ZNF205: variants seen among roughly 807,000 people sequenced by gnomAD.
The protein encoded by ZNF205 is transcriptional repressor RHIT.
In ZNF205, 32 loss-of-function variants were observed where a neutral mutation model predicts 53.6. That is an observed-to-expected ratio of 0.60 (90% CI 0.45 to 0.80). ZNF205 has a LOEUF of 0.80. Among genes scored for constraint, ZNF205 ranks in the 30% least tolerant of loss-of-function variants. The probability of loss-of-function intolerance (pLI) is 0.00; values close to 1 mark genes in which losing one functional copy is unlikely to be tolerated. For synonymous variants in ZNF205, 382 were observed against 334.3 expected (o/e 1.14, Z -1.56); for missense variants, 836 against 782.4 (o/e 1.07, Z -0.82).
At chr16:3,113,356 G>A in intron 1 of ZNF205, 61 bp from the exon 2 acceptor site, 1 of 1,566,594 alleles carries the variant, frequency 6.4e-7, no homozygotes. Flanking sequence ...TAGGCTCCTG[G>A]CCAGAAGCTG....
chr16:3,116,857 C>A (rs1051116034), intron 5 of ZNF205, among the ~76,000 whole-genome samples: 1 of 152,186 alleles, frequency 6.6e-6, no homozygotes, highest in Non-Finnish European at 1.5e-5. Flanking sequence ...CACAGTGGCA[C>A]GATCTCGGCT....
intron 2 of ZNF205, among the ~76,000 whole-genome samples, chr16:3,114,414 C>T (rs1166732156): frequency 4.6e-5 from 7 of 152,276 alleles, no homozygotes; most frequent in African/African-American, 7.2e-5. Context: ...GGAGGGGTGT[C>T]GCTGGGTCTG....
intron 1 of ZNF205, 59 bp from the exon 2 acceptor site, chr16:3,113,358 C>T: frequency 6.4e-7 from 1 of 1,574,384 alleles, no homozygotes; most frequent in East Asian, 2.3e-5. Context: ...GGCTCCTGGC[C>T]AGAAGCTGGA....
chr16:3,119,226 C>G (rs764792364), intron 6 of ZNF205, 30 bp from the exon 7 acceptor site: 2 of 1,551,624 alleles, frequency 1.3e-6, no homozygotes, highest in Non-Finnish European at 1.7e-6. Flanking sequence ...GGAAGCTCGT[C>G]CCTAGCTGGA....
rs140192959 is a variant in ZNF205 at position 3,118,988 on chromosome 16, G to A, written c.568G>A (p.Glu190Lys). Residue 190 changes from glutamate (E) to lysine (K), a missense_variant, in exon 6 of 7, where the codon GAG becomes AAG. Coordinates refer to ENST00000219091, the MANE Select transcript of ZNF205 (RefSeq NM_001042428.2). ...GGGCTCCAGCCGGCAGGCAGGAGAT[G>A]AGAAGGAGTGGAGAGGCGCGTGCAC... ...ASGSSRQAGD[E>K]KEWRGACTGA... The A allele has an allele frequency of 6.2e-7, 1 of 1,613,636 alleles. No individual in the cohort carries two copies. The highest frequency in any genetic ancestry group is 8.5e-7 in the Non-Finnish European group (1 of 1,179,966).
In ZNF205 at chr16:3,116,563, G is replaced by A; in HGVS notation, c.484+16G>A. 6.2e-7 allele frequency: 1 copy of A among 1,611,920 alleles called. No homozygotes were observed. Among genetic ancestry groups the A allele is most frequent in the South Asian group, 1.1e-5 (1 of 90,786 alleles). On this transcript the variant is annotated intron_variant, in intron 5 of 6. Transcript: ENST00000219091. Reference sequence around the variant, plus strand: ...CTGTCACTGGGTAAGCACTCGCCTGGAGGGGGGACTGGGGTGTTAGGGAGA... The same window carrying A: ...CTGTCACTGGGTAAGCACTCGCCTGAAGGGGGGACTGGGGTGTTAGGGAGA...
At chr16:3,116,354 C>T in intron 4 of ZNF205, 73 bp from the exon 5 acceptor site, 1 of 1,589,570 alleles carries the variant, frequency 6.3e-7, no homozygotes, top group Non-Finnish European at 8.6e-7. Context: ...TCTCACCACA[C>T]ATCTCATGCC....
At position 3,113,373 on chromosome 16, in the gene ZNF205, GC is replaced by G. The variant is rs1002081075; in HGVS notation, c.-14-43del. On this transcript the variant is annotated intron_variant, in intron 1 of 6. Transcript: ENST00000219091. ...GGCTCCTGGCCAGAAGCTGGAGGGG[GC>G]TTGGCCAAAAAGAGGGAGAAACAAC... 6 of 1,598,754 alleles carry G rather than the reference GC, an allele frequency of 3.8e-6. No individual in the cohort carries two copies. The African/African-American group carries it at 6.7e-5, about 18-fold the overall frequency.
rs958523775 is a variant in ZNF205, at chr16:3,112,691, G to C, written c.-15+9G>C. 3.4e-6 allele frequency: 1 copy of C among 290,986 alleles called. No homozygotes were observed. The highest frequency in any genetic ancestry group is 8.5e-5 in the East Asian group (1 of 11,708). The allele number at this position is 290,986 out of a possible 1,614,324, so 18.0% of individuals were successfully genotyped here. A position where few individuals can be genotyped will look rare whatever the true frequency, so the allele number is the denominator to read the frequency against. ...CCTCTGCCTCCACCCCGGTGAGAAG[G>C]GGGTGCTGGGGAGGGCATCTGGATC... is the stretch of plus-strand genomic sequence containing the variant. On this transcript the variant is annotated intron_variant, in intron 1 of 6. Coordinates refer to ENST00000219091, the MANE Select transcript of ZNF205 (RefSeq NM_001042428.2).
chr16:3,114,262 G>T (rs1478018180), intron 2 of ZNF205, among the ~76,000 whole-genome samples: 3 of 152,140 alleles, frequency 2.0e-5, no homozygotes, highest in Admixed American at 6.6e-5. Flanking sequence ...CGCACGGCGG[G>T]GGGGATTAAT....
intron 5 of ZNF205, 40 bp from the exon 6 acceptor site, chr16:3,118,865 C>A (rs1194317200): frequency 6.3e-7 from 1 of 1,598,752 alleles, no homozygotes. Context: ...CTGGGCAGCG[C>A]CAGAAGGCCT....
chr16:3,114,463 C>T (rs1469625266), intron 2 of ZNF205, among the ~76,000 whole-genome samples: 2 of 152,182 alleles, frequency 1.3e-5, no homozygotes, highest in African/African-American at 2.4e-5. Context: ...AGGTTCTTTC[C>T]CTTCAAGACC....
Position 3,113,504 on chromosome 16 carries a change from C to T in ZNF205, c.57+17C>T. 6.2e-7 allele frequency: 1 copy of T among 1,612,266 alleles called. No homozygotes were observed. Among genetic ancestry groups the T allele is most frequent in the Non-Finnish European group, 8.5e-7 (1 of 1,179,378 alleles). ...CCCCCGGAGGTACAGATGGGGCTGG[C>T]TGAGGGAGGTGTGCGGTAGAAGAGG... On this transcript the variant is annotated intron_variant, in intron 2 of 6. Coordinates refer to ENST00000219091, the MANE Select transcript of ZNF205 (RefSeq NM_001042428.2).
intron 5 of ZNF205, among the ~76,000 whole-genome samples, chr16:3,117,937 C>G (rs914180265): frequency 6.6e-6 from 1 of 150,394 alleles, no homozygotes; most frequent in South Asian, 2.1e-4. Flanking sequence ...CAACCTCTGC[C>G]TCCTGGGTTC....
chr16:3,113,580 T>TA (rs1411913668), intron 2 of ZNF205, 93 bp downstream of exon 2: 3 of 1,404,468 alleles, frequency 2.1e-6, no homozygotes, highest in Middle Eastern at 2.0e-4. Context: ...CTGGAAGAGT[T>TA]AGACTCACTG....
At position 3,119,005 on chromosome 16, in the gene ZNF205, C is replaced by A. The variant is rs770148978; in HGVS notation, c.585C>A (p.Gly195=). The A allele has an allele frequency of 3.1e-6, 5 of 1,613,236 alleles. No homozygotes were observed. The highest frequency in any genetic ancestry group is 4.2e-6 in the Non-Finnish European group (5 of 1,179,850). ...CAGGAGATGAGAAGGAGTGGAGAGG[C>A]GCGTGCACAGGTGAGGGACGGGCGC... ...RQAGDEKEWR[G]ACTGAVEVGQ... The change falls in exon 6 of 7, where the codon GGC becomes GGA. Residue 195 remains glycine (G), a synonymous_variant. Coordinates refer to ENST00000219091, the MANE Select transcript of ZNF205 (RefSeq NM_001042428.2).
chr16:3,119,279 G>A lies in ZNF205; in HGVS notation c.619G>A (p.Val207Met). ...CTGAVEVGQR[V>M]QTSSVAALGN... ...AGGAGCCGTCGAGGTGGGGCAGAGGGTGCAGACCTCATCCGTGGCAGCCCT... is the reference window on the plus strand; with the variant it reads ...AGGAGCCGTCGAGGTGGGGCAGAGGATGCAGACCTCATCCGTGGCAGCCCT... The change falls in exon 7 of 7, where the codon GTG becomes ATG. Residue 207 changes from valine (V) to methionine (M), a missense_variant. By Grantham distance (21) the Val-to-Met change is conservative. Transcript: ENST00000219091. 1 of 1,606,298 alleles carries A rather than the reference G, an allele frequency of 6.2e-7. No individual in the cohort carries two copies. Among genetic ancestry groups the A allele is most frequent in the Non-Finnish European group, 8.5e-7 (1 of 1,175,902 alleles).
intron 1 of ZNF205, 148 bp downstream of exon 1, chr16:3,112,830 T>C: frequency 9.8e-6 from 2 of 204,140 alleles, no homozygotes. Flanking sequence ...AGAAGGACAT[T>C]GTCTGCCAGG....
intron 6 of ZNF205, 106 bp from the exon 7 acceptor site, chr16:3,119,150 T>C (rs111474527): frequency 6.7e-7 from 1 of 1,502,708 alleles, no homozygotes; most frequent in Non-Finnish European, 8.9e-7. Flanking sequence ...CCCTTGCGCT[T>C]TCTGGTCTCT....
Sources: gnomAD v4.1 joint callset for allele counts (sites outside exome capture counted in the v4.1 genomes callset) on GRCh38, gnomAD v4.1.1 for gene constraint, MANE v1.5 for transcripts, NCBI Gene and HGNC (gene_info 2026-07-23, HGNC 2026-07-21) for gene names.